UBN2: variants seen among roughly 807,000 people sequenced by gnomAD.
The protein encoded by UBN2 is ubinuclein-2.
A neutral mutation model predicts 120.2 loss-of-function variants in UBN2; 35 were observed. The observed-to-expected ratio is 0.29, with a 90% CI of 0.22 to 0.39. UBN2 has a LOEUF of 0.39. Among genes scored for constraint, UBN2 ranks in the 10% least tolerant of loss-of-function variants. The probability of loss-of-function intolerance (pLI) is 1.00; values close to 1 mark genes in which losing one functional copy is unlikely to be tolerated. For synonymous variants in UBN2, 661 were observed against 648.7 expected (o/e 1.02, Z -0.29); for missense variants, 1,693 against 1,663.2 (o/e 1.02, Z -0.31).
chr7:139,284,215 T>G lies in UBN2; in HGVS notation c.3310T>G (p.Ser1104Ala). 6.2e-7 allele frequency: 1 copy of G among 1,614,078 alleles called. No individual in the cohort carries two copies. The highest frequency in any genetic ancestry group is 8.5e-7 in the Non-Finnish European group (1 of 1,180,024). The change falls in exon 15 of 18, where the codon TCC becomes GCC. Residue 1104 changes from serine to alanine, a missense_variant. Physicochemically the swap from Ser to Ala is moderately conservative, Grantham distance 99. Around this residue, in one of 5 missense-constraint regions of UBN2, gnomAD observed 837 missense variants for 817.6 expected, o/e 1.02. Transcript: ENST00000473989. ...PNALVAQGSH[S>A]STNSPVHKQP... ...TGCACTAGTTGCCCAGGGTAGCCAC[T>G]CCAGCACTAACAGCCCAGTCCATAA...
In UBN2 at chr7:139,242,133, C is replaced by T. The variant is rs774422210; in HGVS notation, c.561+5036C>T. ...TAACATCTTCACAGTAAATACTACT[C>T]GGCTAAGTGGAAAGAAATATAATTT... On this transcript the variant is annotated intron_variant, in intron 2 of 17. Transcript: ENST00000473989. 3.0e-4 allele frequency among the ~76,000 whole-genome samples: 45 copies of T among 152,176 alleles called. 1 individual carries two copies. In the Middle Eastern group the frequency reaches 0.01, roughly 35 times the overall value.
At chr7:139,291,376 A>AAG (rs1554477888) in intron 15 of UBN2, among the ~76,000 whole-genome samples, 1 of 151,268 alleles carries the variant, frequency 6.6e-6, no homozygotes, top group African/African-American at 2.4e-5. Flanking sequence ...AAAAAAAAAA[A>AAG]AAAAAACATG....
chr7:139,293,569 A>T, intron 16 of UBN2, 106 bp downstream of exon 16: 10 of 854,384 alleles, frequency 1.2e-5, no homozygotes, highest in Non-Finnish European at 1.4e-5. Context: ...AATGAAGATT[A>T]TAGTTTTTTT....
At chr7:139,328,974 G>C in the UBN2 span, among the ~76,000 whole-genome samples, 1 of 152,078 alleles carries the variant, frequency 6.6e-6, no homozygotes, top group Non-Finnish European at 1.5e-5. Flanking sequence ...GGCAGGCTGA[G>C]ATGGCTCACA....
In UBN2 at chr7:139,301,144, T is replaced by G. The variant is rs1798247378; in HGVS notation, c.*3308T>G. 1 of 152,058 alleles carries G rather than the reference T, an allele frequency of 6.6e-6. No individual in the cohort carries two copies. The highest frequency in any genetic ancestry group is 2.4e-5 in the African/African-American group (1 of 41,416). 9.4% of individuals were successfully genotyped at this position (152,058 alleles called of 1,614,324 possible). A position where few individuals can be genotyped will look rare whatever the true frequency, so the allele number is the denominator to read the frequency against. ...ATTACATTTTTCATATCATGGACAT[T>G]GAATAGGGTTTATTGAATCAGGAAG... On this transcript the variant is annotated 3_prime_UTR_variant, in exon 18 of 18. Transcript: ENST00000473989.
At chr7:139,322,718 G>T in the UBN2 span, among the ~76,000 whole-genome samples, 9 of 142,958 alleles carry the variant, frequency 6.3e-5, no homozygotes, top group African/African-American at 2.4e-4. Context: ...ATTTTTATTA[G>T]AGACGGGGTG....
intron 3 of UBN2, among the ~76,000 whole-genome samples, chr7:139,255,435 CT>C (rs1796731354): frequency 6.6e-6 from 1 of 152,056 alleles, no homozygotes; most frequent in Non-Finnish European, 1.5e-5. Flanking sequence ...GTATTTTCCA[CT>C]TGGGCTGTGG....
At chr7:139,324,829 G>A in the UBN2 span, among the ~76,000 whole-genome samples, 48 of 151,916 alleles carry the variant, frequency 3.2e-4, 1 homozygote, top group South Asian at 4.1e-4. Flanking sequence ...AAATTAGCCC[G>A]GTGCAGTGGT....
At chr7:139,280,426 G>A (rs990160192) in intron 13 of UBN2, among the ~76,000 whole-genome samples, 1 of 152,084 alleles carries the variant, frequency 6.6e-6, no homozygotes, top group Non-Finnish European at 1.5e-5. Flanking sequence ...ATAATCATTT[G>A]AAATTAAAAT....
chr7:139,236,937 A>G, intron 1 of UBN2, 68 bp from the exon 2 acceptor site: 1 of 1,003,714 alleles, frequency 1.0e-6, no homozygotes, highest in Admixed American at 2.3e-5. Context: ...TGATAAATAA[A>G]CAAACAATAA....
intron 11 of UBN2, 58 bp downstream of exon 11, chr7:139,274,132 GATATAC>G (rs1787580463): frequency 6.7e-7 from 1 of 1,488,554 alleles, no homozygotes; most frequent in Non-Finnish European, 9.0e-7. Flanking sequence ...TGTTATTAAA[GATATAC>G]ATACACATAC....
At chr7:139,259,763 A>G (rs991267311) in intron 5 of UBN2, among the ~76,000 whole-genome samples, 3 of 152,178 alleles carry the variant, frequency 2.0e-5, no homozygotes, top group Admixed American at 1.3e-4. Flanking sequence ...GATTTGATTG[A>G]TTTGAGACAG....
chr7:139,260,713 C>T (rs1312745933), intron 5 of UBN2, among the ~76,000 whole-genome samples: 4 of 152,140 alleles, frequency 2.6e-5, no homozygotes, highest in Non-Finnish European at 5.9e-5. Context: ...GTGTATATTA[C>T]TAATGGTTGT....
chr7:139,260,014 C>T (rs1796882697), intron 5 of UBN2, among the ~76,000 whole-genome samples: 1 of 152,124 alleles, frequency 6.6e-6, no homozygotes, highest in Admixed American at 6.5e-5. Flanking sequence ...GGTATTCTGC[C>T]TCCCTCAGCC....
intron 13 of UBN2, among the ~76,000 whole-genome samples, chr7:139,281,278 T>A (rs540384651): frequency 6.6e-6 from 1 of 152,184 alleles, no homozygotes; most frequent in Non-Finnish European, 1.5e-5. Flanking sequence ...AGCTATACTG[T>A]TAATGTGGTT....
intron 2 of UBN2, among the ~76,000 whole-genome samples, chr7:139,237,984 A>C (rs1796212142): frequency 6.6e-6 from 1 of 152,216 alleles, no homozygotes; most frequent in South Asian, 2.1e-4. Flanking sequence ...GTTTGTTTGA[A>C]TACAAAAACA....
intron 15 of UBN2, among the ~76,000 whole-genome samples, chr7:139,288,761 TG>T (rs1563226414): frequency 6.6e-6 from 1 of 152,066 alleles, no homozygotes; most frequent in Non-Finnish European, 1.5e-5. Flanking sequence ...CCCAGGACTT[TG>T]GGAGGCCGAG....
intron 2 of UBN2, among the ~76,000 whole-genome samples, chr7:139,249,405 T>G (rs956352365): frequency 2.0e-5 from 3 of 152,248 alleles, no homozygotes; most frequent in African/African-American, 7.2e-5. Context: ...GTTGGAGATG[T>G]CTTTCGTAAG....
Position 139,251,685 on chromosome 7 carries a change from G to A in UBN2, c.562-271G>A, listed in dbSNP as rs116527199. 5.8e-3 allele frequency among the ~76,000 whole-genome samples: 889 copies of A among 152,308 alleles called. 6 individuals carry two copies. Among genetic ancestry groups the A allele is most frequent in the African/African-American group, 0.02 (846 of 41,560 alleles). On this transcript the variant is annotated intron_variant, in intron 2 of 17. Transcript: ENST00000473989. Reference sequence around the variant, plus strand: ...CACAGATCATGGATACATGCAGTCAGTATGATGTATCCCTGTTGACGTTGA... The same window carrying A: ...CACAGATCATGGATACATGCAGTCAATATGATGTATCCCTGTTGACGTTGA...
Sources: gnomAD v4.1 joint callset for allele counts (sites outside exome capture counted in the v4.1 genomes callset) on GRCh38, gnomAD v4.1.1 for gene constraint, gnomAD v4.1.1 regional missense constraint, MANE v1.5 for transcripts, NCBI Gene and HGNC (gene_info 2026-07-23, HGNC 2026-07-21) for gene names.